Variants in FLI1 observed in about 807,000 individuals in gnomAD.
The protein encoded by FLI1 is Friend leukemia integration 1 transcription factor.
In FLI1, 13 loss-of-function variants were observed where a neutral mutation model predicts 53.1. That is an observed-to-expected ratio of 0.24 (90% CI 0.16 to 0.39). FLI1 has a LOEUF of 0.39. FLI1 is among the 10% of genes least tolerant of loss of function. FLI1 has a pLI of 1.00. For synonymous variants in FLI1, 244 were observed against 236.7 expected (o/e 1.03, Z -0.28); for missense variants, 424 against 600.5 (o/e 0.71, Z 3.07).
intron 2 of FLI1, 124 bp downstream of exon 2, chr11:128,758,450 GT>G: frequency 2.6e-6 from 2 of 760,616 alleles, no homozygotes; most frequent in South Asian, 3.4e-5. Context: ...CAGGAAGCCT[GT>G]GTCAGTCCCT....
rs185261444 is a variant in FLI1, at chr11:128,801,828, T to C, written c.656-3538T>C. 1.1e-3 allele frequency among the ~76,000 whole-genome samples: 160 copies of C among 152,314 alleles called. 1 individual carries two copies. The highest frequency in any genetic ancestry group is 3.8e-3 in the African/African-American group (156 of 41,556). ...GCCCTGTTCTAAGTGCTTGGATGTATCAGAGAACACAACAGAGATCCCTAC... is the reference window on the plus strand; with the variant it reads ...GCCCTGTTCTAAGTGCTTGGATGTACCAGAGAACACAACAGAGATCCCTAC... On this transcript the variant is annotated intron_variant, in intron 5 of 8. Coordinates refer to ENST00000527786, the MANE Select transcript of FLI1 (RefSeq NM_002017.5).
chr11:128,782,760 T>C (rs891058254), intron 5 of FLI1, among the ~76,000 whole-genome samples: 1 of 152,216 alleles, frequency 6.6e-6, no homozygotes, highest in Admixed American at 6.5e-5. Flanking sequence ...TGGTCTGGTT[T>C]GGTTTGGTTT....
intron 4 of FLI1, among the ~76,000 whole-genome samples, chr11:128,773,581 G>A (rs865787623): frequency 6.7e-6 from 1 of 150,106 alleles, no homozygotes; most frequent in African/African-American, 2.5e-5. Flanking sequence ...TTTGGAAAGG[G>A]CGAGCTTAAG....
chr11:128,715,722 G>C lies in FLI1; in HGVS notation c.18+21446G>C, dbSNP rs189696997. ...GAGATGACCTGATTGAATTCCACCC[G>C]TAAAGGTCATGCTTTGAATTCAAGG... On this transcript the variant is annotated intron_variant, in intron 1 of 8. Transcript: ENST00000527786. Among the ~76,000 whole-genome samples the C allele has an allele frequency of 4.3e-3, 660 of 152,148 alleles. 3 individuals carry two copies. The highest frequency in any genetic ancestry group is 7.6e-3 in the Non-Finnish European group (518 of 68,010).
intron 7 of FLI1, among the ~76,000 whole-genome samples, chr11:128,808,830 G>A (rs911225700): frequency 2.0e-5 from 3 of 152,148 alleles, no homozygotes; most frequent in Non-Finnish European, 2.9e-5. Context: ...GCTGTCCGTT[G>A]TATCATTGAA....
At position 128,738,923 on chromosome 11, in the gene FLI1, G is replaced by A. The variant is rs116145303; in HGVS notation, c.19-19192G>A. Among the ~76,000 whole-genome samples the A allele has an allele frequency of 3.2e-3, 481 of 152,266 alleles. 4 individuals carry two copies. Among genetic ancestry groups the A allele is most frequent in the African/African-American group, 0.01 (425 of 41,550 alleles). On this transcript the variant is annotated intron_variant, in intron 1 of 8. Transcript: ENST00000527786. ...TGTTGGGCTTTTCAGTGTGTAAACC[G>A]AAACAAAACAAAACAAAAAAGAAGA...
chr11:128,746,699 C>T lies in FLI1; in HGVS notation c.19-11416C>T, dbSNP rs116481322. ...CCTGCAGTGGGTGAAATTCACTCCA[C>T]GAGGAAGCACTGCAGTCACTCCCCA... is the stretch of plus-strand genomic sequence containing the variant. On this transcript the variant is annotated intron_variant, in intron 1 of 8. Transcript: ENST00000527786. Among the ~76,000 whole-genome samples, 675 of 152,204 alleles carry T rather than the reference C, an allele frequency of 4.4e-3. 5 individuals carry two copies. Among genetic ancestry groups the T allele is most frequent in the African/African-American group, 0.015 (619 of 41,530 alleles).
rs555900665 is a variant in FLI1 at position 128,811,305 on chromosome 11, C to T, written c.*317C>T. On this transcript the variant is annotated 3_prime_UTR_variant, in exon 9 of 9. Transcript: ENST00000527786. Reference sequence around the variant, plus strand: ...TCATGGTTCTGAGAAAGAAGCTGTACGTTTTCTTTATGTTTTTATGACCAA... The same window carrying T: ...TCATGGTTCTGAGAAAGAAGCTGTATGTTTTCTTTATGTTTTTATGACCAA... 5.8e-5 allele frequency: 24 copies of T among 417,050 alleles called. 1 individual carries two copies. Among genetic ancestry groups the T allele is most frequent in the Non-Finnish European group, 8.2e-5 (19 of 231,756 alleles). The allele number at this position is 417,050 out of a possible 1,614,324, so 25.8% of individuals were successfully genotyped here.
chr11:128,724,325 C>T (rs561222290), intron 1 of FLI1, among the ~76,000 whole-genome samples: 1 of 152,216 alleles, frequency 6.6e-6, no homozygotes, highest in East Asian at 1.9e-4. Context: ...AGGGTGTGAA[C>T]ATGGGATGGT....
chr11:128,694,081 T>C lies in FLI1; in HGVS notation c.-178T>C. ...TCATCCGGTTAACTGTCTCTTTCGC[T>C]CCGCTACAACAACAAACGTGCACAG... On this transcript the variant is annotated 5_prime_UTR_variant, in exon 1 of 9. Transcript: ENST00000527786. 1 of 496,730 alleles carries C rather than the reference T, an allele frequency of 2.0e-6. No individual in the cohort carries two copies. Among genetic ancestry groups the C allele is most frequent in the Non-Finnish European group, 3.4e-6 (1 of 292,620 alleles). The allele number at this position is 496,730 out of a possible 1,614,324, so 30.8% of individuals were successfully genotyped here.
chr11:128,695,126 C>A (rs1937996893), intron 1 of FLI1, among the ~76,000 whole-genome samples: 1 of 152,180 alleles, frequency 6.6e-6, no homozygotes, highest in East Asian at 1.9e-4. Flanking sequence ...GGCTGTGAGC[C>A]CGCGCCCCGC....
chr11:128,809,294 C>A, intron 8 of FLI1, 90 bp downstream of exon 8: 1 of 1,077,912 alleles, frequency 9.3e-7, no homozygotes, highest in South Asian at 1.3e-5. Flanking sequence ...GTCCAGACAC[C>A]TGAGTGGGGA....
intron 1 of FLI1, among the ~76,000 whole-genome samples, chr11:128,704,706 C>G (rs1938478728): frequency 6.6e-6 from 1 of 152,190 alleles, no homozygotes; most frequent in African/African-American, 2.4e-5. Flanking sequence ...ACACAGTCAA[C>G]CCCAGAAGGC....
At chr11:128,764,653 G>T (rs190160221) in intron 2 of FLI1, 3 of 1,532,520 alleles carry the variant, frequency 2.0e-6, no homozygotes, top group South Asian at 2.4e-5. Context: ...CTTCACAGGC[G>T]CCAGCTGCCT....
chr11:128,689,388 T>C (rs1937649420), upstream of FLI1, among the ~76,000 whole-genome samples: 2 of 152,116 alleles, frequency 1.3e-5, no homozygotes, highest in Admixed American at 1.3e-4. Context: ...GGCAGGGTCC[T>C]CCTTTTTTTC....
intron 4 of FLI1, among the ~76,000 whole-genome samples, chr11:128,773,872 C>T (rs970308177): frequency 1.2e-4 from 18 of 151,812 alleles, no homozygotes; most frequent in African/African-American, 4.4e-4. Flanking sequence ...GCTCACACTA[C>T]GTAAGAGCAT....
At chr11:128,766,808 CGGCCTAGAGTT>C (rs1233514485) in intron 2 of FLI1, among the ~76,000 whole-genome samples, 1 of 151,956 alleles carries the variant, frequency 6.6e-6, no homozygotes, top group Non-Finnish European at 1.5e-5. Flanking sequence ...AGAGGTTATG[CGGCCTAGAGTT>C]GGAAGGCTGT....
chr11:128,802,975 A>C (rs893870585), intron 5 of FLI1, among the ~76,000 whole-genome samples: 1 of 152,208 alleles, frequency 6.6e-6, no homozygotes, highest in African/African-American at 2.4e-5. Context: ...AAAAGAAATA[A>C]TTCTGAGTGG....
At chr11:128,788,475 CA>C (rs1185986506) in intron 5 of FLI1, among the ~76,000 whole-genome samples, 2 of 151,582 alleles carry the variant, frequency 1.3e-5, no homozygotes, top group East Asian at 3.9e-4. Flanking sequence ...TCTCAAAAAA[CA>C]AAGCAAAAAA....
Sources: gnomAD v4.1 joint callset for allele counts (sites outside exome capture counted in the v4.1 genomes callset) on GRCh38, gnomAD v4.1.1 for gene constraint, MANE v1.5 for transcripts, NCBI Gene and HGNC (gene_info 2026-07-23, HGNC 2026-07-21) for gene names.